Variants in ZMAT3 observed in about 807,000 individuals in gnomAD.
ZMAT3 encodes zinc finger matrin-type protein 3.
In ZMAT3, 17 loss-of-function variants were observed where a neutral mutation model predicts 32.3. The observed-to-expected ratio is 0.53, with a 90% CI of 0.36 to 0.79. The LOEUF is 0.79. Among genes scored for constraint, ZMAT3 ranks in the 30% least tolerant of loss-of-function variants. The pLI is 0.00. For synonymous variants in ZMAT3, 120 were observed against 133.1 expected (o/e 0.90, Z 0.68); for missense variants, 329 against 359.7 (o/e 0.91, Z 0.69).
chr3:179,030,859 AC>A lies in ZMAT3; in HGVS notation c.390+20del. The A allele has an allele frequency of 6.2e-7, 1 of 1,602,338 alleles. No individual in the cohort carries two copies. The highest frequency in any genetic ancestry group is 2.3e-5 in the East Asian group (1 of 44,426). On this transcript the variant is annotated intron_variant, in intron 3 of 5. Coordinates refer to ENST00000311417, the MANE Select transcript of ZMAT3 (RefSeq NM_022470.4). ...ACAGCTTCCACCCTAATGCTGCTTCACCCTGACACACATGTCTCACCTGCGG... is the reference window on the plus strand; with the variant it reads ...ACAGCTTCCACCCTAATGCTGCTTCACCTGACACACATGTCTCACCTGCGG...
chr3:179,067,822 C>T lies in ZMAT3; in HGVS notation c.-57-13G>A, dbSNP rs1260106889. 2 of 1,549,032 alleles carry T rather than the reference C, an allele frequency of 1.3e-6. No individual in the cohort carries two copies. Among genetic ancestry groups the T allele is most frequent in the Non-Finnish European group, 1.7e-6 (2 of 1,151,328 alleles). On this transcript the variant is annotated splice_polypyrimidine_tract_variant and intron_variant, in intron 1 of 5. Transcript: ENST00000311417. ...AAGGTCTTCAAATCTGAATCAACAGCAAAAAAACAGAAAAAAAAACTCACT... is the reference window on the plus strand; with the variant it reads ...AAGGTCTTCAAATCTGAATCAACAGTAAAAAAACAGAAAAAAAAACTCACT...
rs1018932420 is a variant in ZMAT3 at position 179,033,334 on chromosome 3, A to G, written c.271-2335T>C. 2.6e-5 allele frequency among the ~76,000 whole-genome samples: 4 copies of G among 152,216 alleles called. No individual in the cohort carries two copies. In the East Asian group the frequency reaches 5.8e-4, roughly 22 times the overall value. On this transcript the variant is annotated intron_variant, in intron 2 of 5. Coordinates refer to ENST00000311417, the MANE Select transcript of ZMAT3 (RefSeq NM_022470.4). Reference sequence around the variant, plus strand: ...CCACTCCCTAATCTCAAGTACCCAGAGACACAAACACTGCGGAAGGCGGAA... The same window carrying G: ...CCACTCCCTAATCTCAAGTACCCAGGGACACAAACACTGCGGAAGGCGGAA...
intron 2 of ZMAT3, among the ~76,000 whole-genome samples, chr3:179,036,122 C>T (rs1719576418): frequency 6.6e-6 from 1 of 152,286 alleles, no homozygotes; most frequent in African/African-American, 2.4e-5. Context: ...TTAAGCAAAG[C>T]AGTGCATGAC....
chr3:179,032,256 G>C lies in ZMAT3; in HGVS notation c.271-1257C>G, dbSNP rs562304357. 3.5e-3 allele frequency among the ~76,000 whole-genome samples: 534 copies of C among 151,776 alleles called. 3 individuals are homozygous for C. The highest frequency in any genetic ancestry group is 0.012 in the African/African-American group (505 of 41,402). ...TGACCGCGAGTGATCTGCCAGCCTC[G>C]GCCTCCCGAGGTGCCGGGATTGCAG... On this transcript the variant is annotated intron_variant, in intron 2 of 5. Transcript: ENST00000311417.
chr3:179,036,810 T>C lies in ZMAT3; in HGVS notation c.271-5811A>G, dbSNP rs571720003. ...TGGGTCCCTGTGAAACCCAACCTCA[T>C]GCCAAAGACAGTTTAAAGACTGAAA... On this transcript the variant is annotated intron_variant, in intron 2 of 5. Coordinates refer to ENST00000311417, the MANE Select transcript of ZMAT3 (RefSeq NM_022470.4). 5.9e-5 allele frequency among the ~76,000 whole-genome samples: 9 copies of C among 152,264 alleles called. No individual in the cohort carries two copies. In the South Asian group the frequency reaches 1.2e-3, roughly 21 times the overall value.
chr3:179,026,379 CTTTTTTTTT>C (rs1235818885), intron 5 of ZMAT3, among the ~76,000 whole-genome samples: 1 of 65,894 alleles, frequency 1.5e-5, no homozygotes, highest in African/African-American at 6.6e-5. Flanking sequence ...ATGAATTGTG[CTTTTTTTTT>C]TTTTTTTTTT....
At chr3:179,064,760 C>T (rs1721320756) in intron 2 of ZMAT3, among the ~76,000 whole-genome samples, 1 of 152,154 alleles carries the variant, frequency 6.6e-6, no homozygotes, top group Non-Finnish European at 1.5e-5. Flanking sequence ...AGTAATCTTT[C>T]TTTTATTACT....
chr3:179,049,872 G>C (rs574634703), intron 2 of ZMAT3, among the ~76,000 whole-genome samples: 1 of 151,378 alleles, frequency 6.6e-6, no homozygotes, highest in Non-Finnish European at 1.5e-5. Flanking sequence ...GGCGCCTGTA[G>C]TCTCAGCTAC....
Position 179,067,743 on chromosome 3 carries a change from A to G in ZMAT3, c.10T>C (p.Leu4=). MIL[L]QHAVLPPPKQ... is the part of the protein sequence containing the mutation. ...GGTGGAGGAAGCACGGCGTGTTGCA[A>G]GAGGATCATTGGGTAGGGAAGCCTG... is the stretch of plus-strand genomic sequence containing the variant. The change falls in exon 2 of 6, where the codon TTG becomes CTG. Residue 4 remains leucine, a synonymous_variant. Coordinates refer to ENST00000311417, the MANE Select transcript of ZMAT3 (RefSeq NM_022470.4). The G allele has an allele frequency of 6.2e-7, 1 of 1,614,038 alleles. No homozygotes were observed. Among genetic ancestry groups the G allele is most frequent in the Non-Finnish European group, 8.5e-7 (1 of 1,179,968 alleles).
In ZMAT3 at chr3:179,020,552, A is replaced by G. The variant is rs1718493559; in HGVS notation, c.*4465T>C. On this transcript the variant is annotated 3_prime_UTR_variant, in exon 6 of 6. Coordinates refer to ENST00000311417, the MANE Select transcript of ZMAT3 (RefSeq NM_022470.4). ...AATTTGTTTTAAAACATCTGTTCAAAAGCCTGCATTAAACTTTTATCTGTC... is the reference window on the plus strand; with the variant it reads ...AATTTGTTTTAAAACATCTGTTCAAGAGCCTGCATTAAACTTTTATCTGTC... 6.6e-6 allele frequency: 1 copy of G among 152,222 alleles called. No homozygotes were observed. The highest frequency in any genetic ancestry group is 2.4e-5 in the African/African-American group (1 of 41,464). The allele number at this position is 152,222 out of a possible 1,614,324, so 9.4% of individuals were successfully genotyped here. A position where few individuals can be genotyped will look rare whatever the true frequency, so the allele number is the denominator to read the frequency against.
chr3:179,058,567 T>C (rs1720977625), intron 2 of ZMAT3, among the ~76,000 whole-genome samples: 1 of 152,006 alleles, frequency 6.6e-6, no homozygotes, highest in South Asian at 2.1e-4. Flanking sequence ...CCATCCTAGC[T>C]AAAACGGTGA....
chr3:179,072,147 G>A (rs1721759871), upstream of ZMAT3: 1 of 152,566 alleles, frequency 6.6e-6, no homozygotes, highest in South Asian at 2.1e-4. Context: ...CCAGTCATTG[G>A]GATCCAAACA....
chr3:179,044,827 C>T (rs1720142488), intron 2 of ZMAT3, among the ~76,000 whole-genome samples: 1 of 151,568 alleles, frequency 6.6e-6, no homozygotes, highest in Admixed American at 6.6e-5. Flanking sequence ...GGGAATTGAA[C>T]AAGGATATCA....
At position 179,058,755 on chromosome 3, in the gene ZMAT3, C is replaced by CAA. The variant is rs56006230; in HGVS notation, c.270+8726_270+8727dup. On this transcript the variant is annotated intron_variant, in intron 2 of 5. Transcript: ENST00000311417. ...TGGGCGACAGAGCGAGACTCCGTCT[C>CAA]AAAAAAAAAAAAAAAAAAGAAAAAA... Among the ~76,000 whole-genome samples the CAA allele has an allele frequency of 8.5e-4, 58 of 68,008 alleles. 1 individual carries two copies. Among genetic ancestry groups the CAA allele is most frequent in the African/African-American group, 1.4e-3 (27 of 19,112 alleles). The allele number at this position is 68,008 out of a possible 152,430, so 44.6% of individuals were successfully genotyped here. A position where few individuals can be genotyped will look rare whatever the true frequency, so the allele number is the denominator to read the frequency against.
At chr3:179,037,218 G>A (rs1033200496) in intron 2 of ZMAT3, among the ~76,000 whole-genome samples, 1 of 152,132 alleles carries the variant, frequency 6.6e-6, no homozygotes, top group Non-Finnish European at 1.5e-5. Flanking sequence ...GCGGGTGGTG[G>A]GACCGACTGA....
rs528856280 is a variant in ZMAT3, at chr3:179,046,923, G to T, written c.271-15924C>A. On this transcript the variant is annotated intron_variant, in intron 2 of 5. Transcript: ENST00000311417. This position sits in a 1 kb window ranked among gnomAD's most constrained non-coding sequence, Gnocchi z 4.3. ...CCCGATGGTCTTCTCTACCCACACTGGTGGCCGAAGACAAAGGACATAAGC... is the reference window on the plus strand; with the variant it reads ...CCCGATGGTCTTCTCTACCCACACTTGTGGCCGAAGACAAAGGACATAAGC... 2.1e-4 allele frequency among the ~76,000 whole-genome samples: 32 copies of T among 152,242 alleles called. No homozygotes were observed. Among genetic ancestry groups the T allele is most frequent in the Non-Finnish European group, 4.0e-4 (27 of 68,022 alleles).
intron 2 of ZMAT3, among the ~76,000 whole-genome samples, chr3:179,065,960 T>TATAGCATACAAC (rs1202995379): frequency 2.0e-5 from 3 of 152,140 alleles, no homozygotes; most frequent in African/African-American, 4.8e-5. Context: ...TACAAGTGGG[T>TATAGCATACAAC]TTGCCCCCAA....
At chr3:179,054,388 A>G (rs189696863) in intron 2 of ZMAT3, among the ~76,000 whole-genome samples, 2 of 152,312 alleles carry the variant, frequency 1.3e-5, no homozygotes, top group Admixed American at 1.3e-4. Context: ...AACATCAAAT[A>G]CTAGTCTGAC....
At chr3:179,052,674 A>G (rs1181283752) in intron 2 of ZMAT3, among the ~76,000 whole-genome samples, 3 of 152,208 alleles carry the variant, frequency 2.0e-5, no homozygotes, top group African/African-American at 7.2e-5. Context: ...AAAAGAAGTC[A>G]TTACACGAAA....
Sources: allele counts gnomAD v4.1 joint callset (sites outside exome capture counted in the v4.1 genomes callset), GRCh38; gene constraint gnomAD v4.1.1; non-coding constraint Gnocchi (gnomAD v3.1); transcripts MANE v1.5; gene names NCBI Gene and HGNC (gene_info 2026-07-23, HGNC 2026-07-21).